The following CFAP263 variants were observed in gnomAD, a reference collection of about 807,000 sequenced individuals.
CFAP263 encodes the protein cilia and flagella associated protein 263.
the CFAP263 span, chr16:58,252,736 C>G: frequency 6.2e-7 from 1 of 1,613,408 alleles, no homozygotes; most frequent in Non-Finnish European, 8.5e-7. Flanking sequence ...GCTATGTAAA[C>G]TCTGCTCTCA....
the CFAP263 span, among the ~76,000 whole-genome samples, chr16:58,252,450 T>C: frequency 1.3e-5 from 2 of 152,082 alleles, no homozygotes; most frequent in African/African-American, 2.4e-5. Flanking sequence ...GAATTTTCAA[T>C]GTAATACTAG....
chr16:58,264,990 C>A, the CFAP263 span, among the ~76,000 whole-genome samples: 1 of 152,116 alleles, frequency 6.6e-6, no homozygotes, highest in Non-Finnish European at 1.5e-5. Flanking sequence ...CATGTGTGAG[C>A]CTGAGTCAAG....
chr16:58,250,371 G>A, the CFAP263 span: 2 of 413,138 alleles, frequency 4.8e-6, no homozygotes, highest in Non-Finnish European at 8.7e-6. Context: ...GGTTTCAGCC[G>A]GAGGAGTCTC....
the CFAP263 span, chr16:58,279,808 A>G: frequency 6.6e-7 from 1 of 1,518,400 alleles, no homozygotes; most frequent in Non-Finnish European, 9.1e-7. Context: ...ACAGACCACT[A>G]CATGACCTAT....
At chr16:58,276,316 C>T in the CFAP263 span, among the ~76,000 whole-genome samples, 2 of 152,184 alleles carry the variant, frequency 1.3e-5, no homozygotes, top group South Asian at 2.1e-4. Flanking sequence ...GGAAAACCGG[C>T]AGTCTCAAAC....
the CFAP263 span, among the ~76,000 whole-genome samples, chr16:58,267,192 G>T: frequency 6.6e-6 from 1 of 152,146 alleles, no homozygotes; most frequent in African/African-American, 2.4e-5. Flanking sequence ...GTTTAGAGAG[G>T]TTCTGGGACC....
the CFAP263 span, among the ~76,000 whole-genome samples, chr16:58,271,173 A>G: frequency 6.6e-6 from 1 of 152,148 alleles, no homozygotes; most frequent in East Asian, 1.9e-4. Context: ...CAGCTTGAAG[A>G]ACTTCCTGTA....
the CFAP263 span, among the ~76,000 whole-genome samples, chr16:58,253,114 C>T: frequency 6.6e-6 from 1 of 152,156 alleles, no homozygotes; most frequent in African/African-American, 2.4e-5. Context: ...GGTGCAGTGG[C>T]TTAGGCCTGT....
chr16:58,259,573 T>C, the CFAP263 span, among the ~76,000 whole-genome samples: 1 of 152,190 alleles, frequency 6.6e-6, no homozygotes, highest in East Asian at 1.9e-4. Context: ...AATCGTAAGA[T>C]CATTTTGTCA....
the CFAP263 span, among the ~76,000 whole-genome samples, chr16:58,257,550 C>T: frequency 1.3e-5 from 2 of 152,060 alleles, no homozygotes; most frequent in African/African-American, 2.4e-5. Flanking sequence ...CCTCTTGCCT[C>T]AGCCTCCTGA....
chr16:58,278,655 C>T, the CFAP263 span: 1 of 1,612,504 alleles, frequency 6.2e-7, no homozygotes, highest in Non-Finnish European at 8.5e-7. Flanking sequence ...ACGGGGAGCC[C>T]CAAGATGGGC....
At chr16:58,260,118 T>C in the CFAP263 span, among the ~76,000 whole-genome samples, 1 of 152,032 alleles carries the variant, frequency 6.6e-6, no homozygotes, top group African/African-American at 2.4e-5. Flanking sequence ...GATGGGGAGA[T>C]GGTCTTGAAT....
the CFAP263 span, chr16:58,254,095 C>A: frequency 6.2e-7 from 1 of 1,614,202 alleles, no homozygotes. Flanking sequence ...AAAGAGGTTG[C>A]GGACATGAAG....
chr16:58,250,627 T>G, the CFAP263 span, among the ~76,000 whole-genome samples: 8 of 152,050 alleles, frequency 5.3e-5, no homozygotes, highest in Middle Eastern at 3.4e-3. Context: ...TAGCCAGGCG[T>G]GGTGGCGCGT....
the CFAP263 span, among the ~76,000 whole-genome samples, chr16:58,259,167 C>T: frequency 6.6e-6 from 1 of 152,008 alleles, no homozygotes; most frequent in Non-Finnish European, 1.5e-5. Context: ...TGGTCTGGTC[C>T]AGCCTATCTA....
the CFAP263 span, among the ~76,000 whole-genome samples, chr16:58,277,487 T>A: frequency 6.6e-6 from 1 of 152,218 alleles, no homozygotes; most frequent in African/African-American, 2.4e-5. Context: ...TGCATGATAA[T>A]TTTTTAAATA....
At chr16:58,272,017 A>AT in the CFAP263 span, among the ~76,000 whole-genome samples, 268 of 142,598 alleles carry the variant, frequency 1.9e-3, no homozygotes, top group Middle Eastern at 0.011. Context: ...CCACTCATAG[A>AT]TTTTTTTTTT....
the CFAP263 span, among the ~76,000 whole-genome samples, chr16:58,268,004 A>AAG: frequency 6.7e-6 from 1 of 149,826 alleles, no homozygotes; most frequent in African/African-American, 2.5e-5. Flanking sequence ...AGAGAGAGGA[A>AAG]AGAGAGAGAG....
the CFAP263 span, chr16:58,262,564 G>A: frequency 6.3e-7 from 1 of 1,578,820 alleles, no homozygotes; most frequent in Non-Finnish European, 8.7e-7. Flanking sequence ...TGATACCCAG[G>A]GCTCCCCCAA....
Sources: allele counts gnomAD v4.1 joint callset (sites outside exome capture counted in the v4.1 genomes callset), GRCh38; gene constraint gnomAD v4.1.1; transcripts MANE v1.5; gene names NCBI Gene and HGNC (gene_info 2026-07-23, HGNC 2026-07-21).